Variants in SMC2 observed in about 807,000 individuals in gnomAD.
The protein encoded by SMC2 is structural maintenance of chromosomes 2, also known as structural maintenance of chromosomes protein 2.
SMC2 carries 41 observed loss-of-function variants against 142.6 expected under a neutral mutation model. The ratio of observed to expected loss-of-function variants is 0.29; its 90% CI spans 0.22 to 0.37. The LOEUF is 0.37. Among genes scored for constraint, SMC2 ranks in the 10% least tolerant of loss-of-function variants. The probability of loss-of-function intolerance (pLI) is 1.00; values close to 1 mark genes in which losing one functional copy is unlikely to be tolerated. For missense variants in SMC2, 1,265 were observed against 1,373.7 expected (o/e 0.92, Z 1.25); for synonymous variants, 463 against 457.5 (o/e 1.01, Z -0.15).
intron 9 of SMC2, among the ~76,000 whole-genome samples, chr9:104,106,384 T>C (rs538560068): frequency 6.6e-6 from 1 of 152,164 alleles, no homozygotes; most frequent in South Asian, 2.1e-4. Context: ...TTATTTATTT[T>C]ATTTTATTTA....
intron 9 of SMC2, among the ~76,000 whole-genome samples, chr9:104,109,621 A>G (rs1490197373): frequency 1.3e-5 from 2 of 152,212 alleles, no homozygotes; most frequent in Non-Finnish European, 2.9e-5. Flanking sequence ...CTGAAACAAC[A>G]TGGTTTTGAA....
At chr9:104,108,470 G>A (rs559380886) in intron 9 of SMC2, among the ~76,000 whole-genome samples, 4 of 152,164 alleles carry the variant, frequency 2.6e-5, no homozygotes. Flanking sequence ...TGCATTGTAT[G>A]TGTTGGTTCT....
intron 23 of SMC2, 27 bp downstream of exon 23, chr9:104,134,602 A>AATATTATAT: frequency 6.8e-7 from 1 of 1,470,256 alleles, no homozygotes; most frequent in Non-Finnish European, 9.2e-7. Context: ...CTATATTATA[A>AATATTATAT]TTTTCATTCC....
chr9:104,114,109 C>A, intron 12 of SMC2, 28 bp downstream of exon 12: 1 of 1,281,054 alleles, frequency 7.8e-7, no homozygotes, highest in Non-Finnish European at 1.1e-6. Flanking sequence ...TGAATTTTAA[C>A]ATAGTAATAA....
chr9:104,104,778 AG>A (rs1831559302), intron 9 of SMC2, among the ~76,000 whole-genome samples: 1 of 152,166 alleles, frequency 6.6e-6, no homozygotes, highest in Admixed American at 6.5e-5. Flanking sequence ...AAGGAGAAGG[AG>A]GTTTGTCTTC....
At position 104,129,827 on chromosome 9, in the gene SMC2, G is replaced by C; in HGVS notation, c.2973G>C (p.Leu991Phe). The C allele has an allele frequency of 6.2e-7, 1 of 1,613,446 alleles. No individual in the cohort carries two copies. Among genetic ancestry groups the C allele is most frequent in the Non-Finnish European group, 8.5e-7 (1 of 1,179,668 alleles). ...RNVNMRAMNV[L>F]TEAEERYNDL... ...TCAATATGAGAGCTATGAATGTATT[G>C]ACAGAAGCTGAAGAGCGAGTAAGTC... Residue 991 changes from leucine to phenylalanine, a missense_variant, in exon 21 of 25, where the codon TTG (leucine) becomes TTC (phenylalanine). Around this residue, in one of 4 missense-constraint regions of SMC2, gnomAD observed 192 missense variants for 261.9 expected, o/e 0.73. Transcript: ENST00000374793.
At chr9:104,096,406 G>A (rs1469099893) in intron 3 of SMC2, 109 bp downstream of exon 3, 5 of 1,011,096 alleles carry the variant, frequency 4.9e-6, no homozygotes, top group Non-Finnish European at 7.4e-6. Context: ...AGCAAAATTG[G>A]TGCCTTAAAT....
intron 9 of SMC2, among the ~76,000 whole-genome samples, chr9:104,104,493 A>G (rs1831527184): frequency 6.6e-6 from 1 of 152,326 alleles, no homozygotes; most frequent in African/African-American, 2.4e-5. Context: ...CTAGAGTAAC[A>G]TGAGACACTG....
intron 20 of SMC2, among the ~76,000 whole-genome samples, chr9:104,128,633 G>A (rs910400192): frequency 1.3e-5 from 2 of 152,192 alleles, no homozygotes; most frequent in Non-Finnish European, 2.9e-5. Context: ...GGGCCTACAG[G>A]TGAGACCATA....
chr9:104,094,546 A>AGGCGGGG (rs1830230995), intron 1 of SMC2, 69 bp downstream of exon 1: 1 of 151,450 alleles, frequency 6.6e-6, no homozygotes, highest in African/African-American at 6.0e-5. Context: ...GGGAGGCGGG[A>AGGCGGGG]GGCGGGGCGC....
chr9:104,127,495 G>C lies in SMC2; in HGVS notation c.2790+15G>C. The C allele has an allele frequency of 1.3e-6, 2 of 1,498,536 alleles. No individual in the cohort carries two copies. Among genetic ancestry groups the C allele is most frequent in the East Asian group, 2.3e-5 (1 of 43,144 alleles). 92.8% of individuals were successfully genotyped at this position (1,498,536 alleles called of 1,614,324 possible). A position where few individuals can be genotyped will look rare whatever the true frequency, so the allele number is the denominator to read the frequency against. ...GTGCTGCAAAGGTATACGTTTGTGT[G>C]CATTTTTTATACTAAATCAAATTTT... On this transcript the variant is annotated intron_variant, in intron 20 of 24. Transcript: ENST00000374793.
chr9:104,121,354 G>A (rs910975104), intron 16 of SMC2, among the ~76,000 whole-genome samples: 8 of 151,994 alleles, frequency 5.3e-5, no homozygotes, highest in Non-Finnish European at 1.2e-4. Flanking sequence ...AAGTTAGTCA[G>A]GCGTGGTGGC....
At chr9:104,101,648 G>A (rs185188154) in intron 7 of SMC2, among the ~76,000 whole-genome samples, 15 of 152,260 alleles carry the variant, frequency 9.9e-5, no homozygotes, top group African/African-American at 3.4e-4. Context: ...TACTACTACA[G>A]AATCCATGTA....
chr9:104,100,469 T>C (rs376124416), intron 7 of SMC2, 36 bp downstream of exon 7: 2 of 1,347,060 alleles, frequency 1.5e-6, no homozygotes, highest in Non-Finnish European at 2.1e-6. Flanking sequence ...TCTATTAGAA[T>C]GTCTTTCAAA....
At position 104,113,531 on chromosome 9, in the gene SMC2, A is replaced by G. The variant is rs973603290; in HGVS notation, c.1414+56A>G. The G allele has an allele frequency of 1.0e-5, 14 of 1,402,480 alleles. No individual in the cohort carries two copies. The African/African-American group carries it at 1.9e-4, about 19-fold the overall frequency. The allele number at this position is 1,402,480 out of a possible 1,614,324, so 86.9% of individuals were successfully genotyped here. A position where few individuals can be genotyped will look rare whatever the true frequency, so the allele number is the denominator to read the frequency against. On this transcript the variant is annotated intron_variant, in intron 11 of 24. Coordinates refer to ENST00000374793, the MANE Select transcript of SMC2 (RefSeq NM_006444.3). ...ATGAGGAGGTAGTGATTTTTGATAA[A>G]AAGCTAATTTAAATAAAGAACGCAA...
At chr9:104,137,047 C>T (rs999916778) in intron 23 of SMC2, among the ~76,000 whole-genome samples, 2 of 152,016 alleles carry the variant, frequency 1.3e-5, no homozygotes, top group Non-Finnish European at 1.5e-5. Flanking sequence ...ACTAGGGAGG[C>T]TGTGGCAGTA....
At chr9:104,093,386 G>C (rs1448881512), upstream of SMC2, among the ~76,000 whole-genome samples, 1 of 151,698 alleles carries the variant, frequency 6.6e-6, no homozygotes. Flanking sequence ...ATGCAATCTG[G>C]AGCTAGACCG....
At chr9:104,104,223 A>G (rs1423879890) in intron 9 of SMC2, among the ~76,000 whole-genome samples, 2 of 152,190 alleles carry the variant, frequency 1.3e-5, no homozygotes, top group African/African-American at 4.8e-5. Flanking sequence ...CCTAAACTCT[A>G]TGAAGCAGGT....
At position 104,132,114 on chromosome 9, in the gene SMC2, G is replaced by A. The variant is rs1353856808; in HGVS notation, c.3097G>A (p.Ala1033Thr). The A allele has an allele frequency of 1.3e-6, 2 of 1,547,498 alleles. No individual in the cohort carries two copies. Among genetic ancestry groups the A allele is most frequent in the Admixed American group, 3.7e-5 (2 of 54,386 alleles). ...GAAGAAAAACCAAGCCCTAAATATTGCATGGCAAAAGGTACTTTTTATGTT... is the reference window on the plus strand; with the variant it reads ...GAAGAAAAACCAAGCCCTAAATATTACATGGCAAAAGGTACTTTTTATGTT... ...DQKKNQALNI[A>T]WQKVNKDFGS... is the part of the protein sequence containing the mutation. The change falls in exon 22 of 25, where the codon GCA (alanine) becomes ACA (threonine). Residue 1033 changes from alanine to threonine, a missense_variant. By Grantham distance (58) the Ala-to-Thr change is moderately conservative. This residue lies in a region of SMC2 where 192 missense variants were observed against 261.9 expected (regional missense o/e 0.73). Transcript: ENST00000374793.
Sources: gnomAD v4.1 joint callset for allele counts (sites outside exome capture counted in the v4.1 genomes callset) on GRCh38, gnomAD v4.1.1 for gene constraint, gnomAD v4.1.1 regional missense constraint, MANE v1.5 for transcripts, NCBI Gene and HGNC (gene_info 2026-07-23, HGNC 2026-07-21) for gene names.